The following NCAM2 variants were observed in gnomAD, a reference collection of about 807,000 sequenced individuals.
NCAM2 encodes the protein N-CAM-2.
Under a neutral mutation model 98.1 loss-of-function variants are expected in NCAM2, and 30 were observed. The ratio of observed to expected loss-of-function variants is 0.31; its 90% CI spans 0.23 to 0.41. The LOEUF is 0.41. NCAM2 is among the 10% of genes least tolerant of loss of function. The pLI is 1.00. For missense variants in NCAM2, 867 were observed against 1,005.8 expected (o/e 0.86, Z 1.87); for synonymous variants, 368 against 342.4 (o/e 1.07, Z -0.83).
chr21:20,999,457 A>T (rs1236073361), intron 1 of NCAM2, among the ~76,000 whole-genome samples: 5 of 152,198 alleles, frequency 3.3e-5, no homozygotes, highest in South Asian at 2.1e-4. Flanking sequence ...CTGGCTGTTT[A>T]GATAGTAAAC....
intron 1 of NCAM2, among the ~76,000 whole-genome samples, chr21:21,263,938 C>A (rs2072023126): frequency 6.6e-6 from 1 of 151,910 alleles, no homozygotes. Context: ...TTAGCCTAGG[C>A]AAAGAATTTA....
At chr21:21,017,566 C>T (rs1447767299) in intron 1 of NCAM2, among the ~76,000 whole-genome samples, 1 of 151,740 alleles carries the variant, frequency 6.6e-6, no homozygotes, top group Non-Finnish European at 1.5e-5. Flanking sequence ...TATGCAGACT[C>T]ACTAATCCGG....
rs1240615959 is a variant in NCAM2, at chr21:21,045,600, G to A, written c.55+46982G>A. Among the ~76,000 whole-genome samples the A allele has an allele frequency of 2.0e-5, 3 of 151,988 alleles. No individual in the cohort carries two copies. The East Asian group carries it at 5.8e-4, about 29-fold the overall frequency. On this transcript the variant is annotated intron_variant, in intron 1 of 17. Coordinates refer to ENST00000400546, the MANE Select transcript of NCAM2 (RefSeq NM_004540.5). ...GGAGCCCAAGAATACAGTGAGCTGT[G>A]ATCACACAAACTGCACTCCAGCCTG...
At chr21:21,490,734 A>G (rs996671958) in intron 15 of NCAM2, among the ~76,000 whole-genome samples, 2 of 151,802 alleles carry the variant, frequency 1.3e-5, no homozygotes, top group Non-Finnish European at 3.0e-5. Context: ...GATGTCATGT[A>G]TAACGCTTCT....
chr21:21,401,954 T>G (rs2076640088), intron 9 of NCAM2, among the ~76,000 whole-genome samples: 2 of 152,188 alleles, frequency 1.3e-5, no homozygotes, highest in South Asian at 4.1e-4. Flanking sequence ...ACTCATAATT[T>G]CTTATGCCTG....
At chr21:21,420,735 T>C (rs947437487) in intron 11 of NCAM2, among the ~76,000 whole-genome samples, 2 of 151,784 alleles carry the variant, frequency 1.3e-5, no homozygotes, top group African/African-American at 4.8e-5. Flanking sequence ...TTTTACTGCA[T>C]TGATAGAGAA....
chr21:21,275,419 G>A (rs1051887177), intron 1 of NCAM2, among the ~76,000 whole-genome samples: 3 of 151,182 alleles, frequency 2.0e-5, no homozygotes, highest in Non-Finnish European at 4.4e-5. Flanking sequence ...CAGCCTGGGC[G>A]ACAGAGCGAG....
At chr21:21,470,482 A>C (rs912148876) in intron 14 of NCAM2, among the ~76,000 whole-genome samples, 1 of 152,090 alleles carries the variant, frequency 6.6e-6, no homozygotes, top group African/African-American at 2.4e-5. Context: ...CTTTGCACAT[A>C]GTTGCTAAGG....
chr21:21,072,406 A>G (rs1568992100), intron 1 of NCAM2, among the ~76,000 whole-genome samples: 1 of 152,168 alleles, frequency 6.6e-6, no homozygotes, highest in South Asian at 2.1e-4. Flanking sequence ...CAAATCTAAG[A>G]TCTTCATTTA....
At chr21:21,366,293 T>C (rs111635204) in intron 8 of NCAM2, among the ~76,000 whole-genome samples, 4 of 152,204 alleles carry the variant, frequency 2.6e-5, no homozygotes, top group African/African-American at 7.2e-5. Context: ...CTGTAGGATA[T>C]TGTGCTTCTT....
intron 5 of NCAM2, among the ~76,000 whole-genome samples, chr21:21,301,164 AT>A (rs964995617): frequency 1.3e-5 from 2 of 151,898 alleles, no homozygotes; most frequent in African/African-American, 4.8e-5. Flanking sequence ...CTTTGTGAAT[AT>A]TTCCTCCCAT....
intron 1 of NCAM2, among the ~76,000 whole-genome samples, chr21:21,159,224 A>T (rs2067706088): frequency 6.6e-6 from 1 of 152,194 alleles, no homozygotes. Flanking sequence ...AGCTATTATT[A>T]CAAAAAGAGT....
chr21:21,129,019 ATAT>A lies in NCAM2; in HGVS notation c.55+130405_55+130407del, dbSNP rs141570217. 4.1e-3 allele frequency among the ~76,000 whole-genome samples: 623 copies of A among 152,258 alleles called. 4 individuals carry two copies. Among genetic ancestry groups the A allele is most frequent in the African/African-American group, 0.014 (599 of 41,568 alleles). ...CAAATTTGACAGCCAAGAACAACAA[ATAT>A]TATCAAATTTTAAATTATTTTATGA... On this transcript the variant is annotated intron_variant, in intron 1 of 17. Coordinates refer to ENST00000400546, the MANE Select transcript of NCAM2 (RefSeq NM_004540.5).
chr21:21,316,756 C>T (rs542071735), intron 5 of NCAM2, among the ~76,000 whole-genome samples: 4 of 151,992 alleles, frequency 2.6e-5, no homozygotes, highest in Non-Finnish European at 5.9e-5. Flanking sequence ...CTTGGCCAGG[C>T]TGGTCTCAAA....
chr21:21,360,921 C>T (rs901270990), intron 8 of NCAM2, among the ~76,000 whole-genome samples: 3 of 152,018 alleles, frequency 2.0e-5, no homozygotes, highest in Non-Finnish European at 4.4e-5. Context: ...TAGATAACTA[C>T]TTCATAAATT....
At chr21:21,528,225 A>T (rs1989434732) in intron 16 of NCAM2, among the ~76,000 whole-genome samples, 1 of 152,216 alleles carries the variant, frequency 6.6e-6, no homozygotes, top group Non-Finnish European at 1.5e-5. Context: ...GGAGCCCAGA[A>T]GATTTGTGAG....
intron 5 of NCAM2, among the ~76,000 whole-genome samples, chr21:21,303,470 G>T (rs2073786695): frequency 6.6e-6 from 1 of 151,338 alleles, no homozygotes; most frequent in South Asian, 2.1e-4. Flanking sequence ...TCTTTTTATT[G>T]CTATTAGTAT....
At chr21:21,342,615 T>A (rs1000715072) in intron 8 of NCAM2, among the ~76,000 whole-genome samples, 7 of 152,180 alleles carry the variant, frequency 4.6e-5, no homozygotes, top group Admixed American at 1.3e-4. Context: ...TCTGGTCTAC[T>A]CTGACATAGT....
chr21:21,209,886 A>T (rs763721052), intron 1 of NCAM2, among the ~76,000 whole-genome samples: 2 of 152,164 alleles, frequency 1.3e-5, no homozygotes, highest in African/African-American at 2.4e-5. Context: ...CAAAGACAGT[A>T]ACATGGCATT....
Sources: allele counts gnomAD v4.1 joint callset (sites outside exome capture counted in the v4.1 genomes callset), GRCh38; gene constraint gnomAD v4.1.1; transcripts MANE v1.5; gene names NCBI Gene and HGNC (gene_info 2026-07-23, HGNC 2026-07-21).